Variants in DPPA4 observed in about 807,000 individuals in gnomAD.
DPPA4 encodes developmental pluripotency-associated protein 4.
Under a neutral mutation model 33.7 loss-of-function variants are expected in DPPA4, and 22 were observed. The ratio of observed to expected loss-of-function variants is 0.65; its 90% CI spans 0.47 to 0.93. The LOEUF (loss-of-function observed/expected upper bound fraction) is 0.93, where lower values mean the gene tolerates loss of function less well. DPPA4 is among the 40% of genes least tolerant of loss of function. DPPA4 has a pLI of 0.00. For synonymous variants in DPPA4, 156 were observed against 132.3 expected, an observed-to-expected ratio of 1.18 and a Z score of -1.23; for missense variants, 340 against 358.6, an observed-to-expected ratio of 0.95 and a Z score of 0.42.
At chr3:109,331,592 A>AAGT in intron 4 of DPPA4, 142 bp downstream of exon 4, 1 of 583,690 alleles carries the variant, frequency 1.7e-6, no homozygotes, top group Admixed American at 3.1e-5. Context: ...AAAAAAAGAG[A>AAGT]AGTAGAGATG....
intron 5 of DPPA4, 52 bp from the exon 6 acceptor site, chr3:109,329,140 T>A (rs776560142): frequency 7.1e-6 from 11 of 1,544,878 alleles, no homozygotes; most frequent in Non-Finnish European, 9.8e-6. Flanking sequence ...GATGACATAC[T>A]GATGTAAGAC....
intron 4 of DPPA4, among the ~76,000 whole-genome samples, 154 bp downstream of exon 4, chr3:109,331,580 G>GA (rs1172836166): frequency 7.2e-6 from 1 of 139,468 alleles, no homozygotes; most frequent in Non-Finnish European, 1.6e-5. Flanking sequence ...AAGAAAGAAA[G>GA]AAAAAAAAGA....
chr3:109,331,838 C>T (rs748304448), intron 3 of DPPA4, 33 bp downstream of exon 3: 2 of 1,613,472 alleles, frequency 1.2e-6, no homozygotes, highest in East Asian at 4.5e-5. Context: ...TACCCTTCCT[C>T]CCAGCAGCAC....
intron 1 of DPPA4, among the ~76,000 whole-genome samples, chr3:109,334,252 C>A (rs1708146167): frequency 1.3e-5 from 2 of 152,126 alleles, no homozygotes; most frequent in Non-Finnish European, 2.9e-5. Flanking sequence ...AACAGCTCTG[C>A]CTTGAGGGGA....
chr3:109,339,201 A>G (rs939479519), upstream of DPPA4, among the ~76,000 whole-genome samples: 1 of 151,914 alleles, frequency 6.6e-6, no homozygotes, highest in Admixed American at 6.6e-5. Context: ...AAAATAAAAC[A>G]TAAAATAAAA....
chr3:109,332,152 A>T, intron 2 of DPPA4, 121 bp from the exon 3 acceptor site: 1 of 879,520 alleles, frequency 1.1e-6, no homozygotes. Flanking sequence ...GCCCGGCTGG[A>T]GTGCAGTGGC....
Position 109,331,854 on chromosome 3 carries a change from C to T in DPPA4, c.339+17G>A. On this transcript the variant is annotated intron_variant, in intron 3 of 6. Transcript: ENST00000335658. ...ACCCTTCCTCCCAGCAGCACCGTCC[C>T]CAGCCTGGGACCTCACCTGGCCTTT... 1.2e-6 allele frequency: 2 copies of T among 1,613,606 alleles called. No individual in the cohort carries two copies. Among genetic ancestry groups the T allele is most frequent in the Non-Finnish European group, 1.7e-6 (2 of 1,179,568 alleles).
chr3:109,336,529 ATT>A, intron 1 of DPPA4: 1 of 152,318 alleles, frequency 6.6e-6, no homozygotes. Flanking sequence ...GGACGAATTC[ATT>A]CTCAGCACCC....
intron 5 of DPPA4, 182 bp downstream of exon 5, chr3:109,330,342 A>G (rs2107341721): frequency 1.8e-6 from 1 of 560,940 alleles, no homozygotes; most frequent in Non-Finnish European, 3.1e-6. Flanking sequence ...GGAAAAAAAA[A>G]AAAGAAATGC....
chr3:109,330,490 T>C (rs1405720547), intron 5 of DPPA4, 34 bp downstream of exon 5: 10 of 1,610,730 alleles, frequency 6.2e-6, no homozygotes, highest in Non-Finnish European at 6.8e-6. Flanking sequence ...TATTTCCCCA[T>C]TGGACCAGAA....
chr3:109,333,918 T>C lies in DPPA4; in HGVS notation c.130A>G (p.Thr44Ala), dbSNP rs1204735655. The C allele has an allele frequency of 1.9e-6, 3 of 1,614,156 alleles. No homozygotes were observed. The highest frequency in any genetic ancestry group is 2.5e-6 in the Non-Finnish European group (3 of 1,179,982). ...NQPNSIALPG[T>A]SAKRTKEKMS... ...TTTTCTTTGGTTCTCTTTGCTGATG[T>C]TCCTGGCAAAGCAATTGAATTTGGT... The change falls in exon 2 of 7, where the codon ACA (threonine) becomes GCA (alanine). Residue 44 changes from threonine to alanine, a missense_variant. Physicochemically the swap from Thr to Ala is moderately conservative, Grantham distance 58 (BLOSUM62 0). Transcript: ENST00000335658.
chr3:109,333,844 G>T (rs778279145), intron 2 of DPPA4, 26 bp downstream of exon 2: 20 of 1,609,866 alleles, frequency 1.2e-5, no homozygotes, highest in Middle Eastern at 1.7e-4. Flanking sequence ...GAGAAGGTGG[G>T]ATTTGAGAAT....
At chr3:109,329,120 CGCACACCAGG>C in intron 5 of DPPA4, 32 bp from the exon 6 acceptor site, 1 of 1,597,324 alleles carries the variant, frequency 6.3e-7, no homozygotes, top group Non-Finnish European at 8.6e-7. Context: ...GACAGGTACC[CGCACACCAGG>C]ATGACATACT....
In DPPA4 at chr3:109,328,875, G is replaced by T. The variant is rs778281753; in HGVS notation, c.878+15C>A. On this transcript the variant is annotated intron_variant, in intron 6 of 6. Transcript: ENST00000335658. Reference sequence around the variant, plus strand: ...GCACCCACTTTTAGTTTGTAGAAAAGCATCAGGTAATTACCTGTGAACACA... The same window carrying T: ...GCACCCACTTTTAGTTTGTAGAAAATCATCAGGTAATTACCTGTGAACACA... 1.2e-6 allele frequency: 2 copies of T among 1,602,750 alleles called. No individual in the cohort carries two copies. Among genetic ancestry groups the T allele is most frequent in the Non-Finnish European group, 1.7e-6 (2 of 1,172,284 alleles).
intron 2 of DPPA4, chr3:109,333,349 C>CAAAAAAAAAAA (rs56044946): frequency 1.0e-5 from 1 of 97,562 alleles, no homozygotes; most frequent in African/African-American, 4.6e-5. Flanking sequence ...CTTGGTGTCT[C>CAAAAAAAAAAA]AAAAAAAAAA....
At chr3:109,337,625 C>T, upstream of DPPA4, 2 of 879,242 alleles carry the variant, frequency 2.3e-6, no homozygotes, top group Non-Finnish European at 3.8e-6. Context: ...TTTTCTTCTC[C>T]CCTTCTGTTC....
In DPPA4 at chr3:109,329,174, A is replaced by G. The variant is rs935801613; in HGVS notation, c.680-86T>C. ...ACTGCATTATGGCCCATCACCCTTG[A>G]TTGACCAGCTCCAAGATGTGAACCC... is the stretch of plus-strand genomic sequence containing the variant. On this transcript the variant is annotated intron_variant, in intron 5 of 6. Transcript: ENST00000335658. The G allele has an allele frequency of 6.0e-5, 70 of 1,169,928 alleles. No homozygotes were observed. The East Asian group carries it at 1.1e-3, about 19-fold the overall frequency. 72.5% of individuals were successfully genotyped at this position (1,169,928 alleles called of 1,614,324 possible).
chr3:109,332,103 A>T, intron 2 of DPPA4, 72 bp from the exon 3 acceptor site: 7 of 1,384,132 alleles, frequency 5.1e-6, no homozygotes, highest in Non-Finnish European at 5.9e-6. Context: ...AAGTAAAATC[A>T]CTTTTTTTTT....
chr3:109,337,819 AAAAAAACAAAAAAC>A (rs147713544), upstream of DPPA4, among the ~76,000 whole-genome samples: 23 of 152,040 alleles, frequency 1.5e-4, no homozygotes, highest in Non-Finnish European at 2.5e-4. Flanking sequence ...TCTACGGGGA[AAAAAAACAAAAAAC>A]AAAAAACAAA....
Sources: allele counts gnomAD v4.1 joint callset (sites outside exome capture counted in the v4.1 genomes callset), GRCh38; gene constraint gnomAD v4.1.1; transcripts MANE v1.5; gene names NCBI Gene and HGNC (gene_info 2026-07-23, HGNC 2026-07-21).